GRIN2B: variants seen among roughly 807,000 people sequenced by gnomAD.
GRIN2B encodes glutamate receptor ionotropic, NMDA 2B.
Under a neutral mutation model 114.5 loss-of-function variants are expected in GRIN2B, and 5 were observed. The observed-to-expected ratio is 0.04, with a 90% CI of 0.02 to 0.09. GRIN2B has a LOEUF of 0.09. GRIN2B is among the 10% of genes least tolerant of loss of function. The pLI, the probability that GRIN2B is intolerant of heterozygous loss-of-function variation, is 1.00. For synonymous variants in GRIN2B, 787 were observed against 745.1 expected (o/e 1.06, Z -0.92); for missense variants, 1,108 against 1,943.5 (o/e 0.57, Z 8.08).
At chr12:13,888,688 C>T (rs1168633507) in intron 2 of GRIN2B, among the ~76,000 whole-genome samples, 2 of 150,960 alleles carry the variant, frequency 1.3e-5, no homozygotes, top group African/African-American at 4.9e-5. Context: ...GAGCCGAGAT[C>T]GCACCACTGC....
intron 3 of GRIN2B, among the ~76,000 whole-genome samples, chr12:13,858,941 ATCT>A (rs764505985): frequency 6.7e-4 from 102 of 152,288 alleles, no homozygotes; most frequent in Middle Eastern, 3.4e-3. Context: ...ACATCCCCAA[ATCT>A]TCTATTTCTG....
chr12:13,943,280 A>G (rs1288523880), intron 2 of GRIN2B, among the ~76,000 whole-genome samples: 4 of 152,170 alleles, frequency 2.6e-5, no homozygotes, highest in South Asian at 2.1e-4. Flanking sequence ...TTGCCCAGTT[A>G]CAAAACCTTA....
At chr12:13,885,782 G>C (rs1220166203) in intron 2 of GRIN2B, among the ~76,000 whole-genome samples, 1 of 152,234 alleles carries the variant, frequency 6.6e-6, no homozygotes, top group Non-Finnish European at 1.5e-5. Context: ...ATTAGACAAA[G>C]TATTCATGCA....
intron 5 of GRIN2B, among the ~76,000 whole-genome samples, chr12:13,659,595 AC>A (rs1478281349): frequency 1.3e-5 from 2 of 151,712 alleles, no homozygotes; most frequent in Non-Finnish European, 2.9e-5. Context: ...ATGTCTCTCT[AC>A]CCCCTTATTT....
At position 13,631,845 on chromosome 12, in the gene GRIN2B, T is replaced by A. The variant is rs533717740; in HGVS notation, c.1126-15188A>T. On this transcript the variant is annotated intron_variant, in intron 5 of 13. Coordinates refer to ENST00000609686, the MANE Select transcript of GRIN2B (RefSeq NM_000834.5). ...AGCTTGTGGCTAAAGAAACAGATGA[T>A]GAAAGAAGTGCTGAGGAGAAAACGC... Among the ~76,000 whole-genome samples, 4 of 152,272 alleles carry A rather than the reference T, an allele frequency of 2.6e-5. No homozygotes were observed. In the South Asian group the frequency reaches 8.3e-4, roughly 32 times the overall value.
At chr12:13,835,769 A>AT (rs1231645990) in intron 3 of GRIN2B, among the ~76,000 whole-genome samples, 77 of 116,240 alleles carry the variant, frequency 6.6e-4, no homozygotes, top group African/African-American at 2.5e-3. Flanking sequence ...AACATAGCAC[A>AT]TTAAAAAAAA....
chr12:13,698,827 C>T (rs113368507), intron 4 of GRIN2B, among the ~76,000 whole-genome samples: 7 of 152,142 alleles, frequency 4.6e-5, no homozygotes, highest in South Asian at 2.1e-4. Flanking sequence ...GGACTACAGG[C>T]GCGCACCACC....
At chr12:13,844,990 G>A (rs2136719883) in intron 3 of GRIN2B, among the ~76,000 whole-genome samples, 1 of 152,066 alleles carries the variant, frequency 6.6e-6, no homozygotes, top group South Asian at 2.1e-4. Flanking sequence ...AATTTCTGCT[G>A]TACACGAATT....
chr12:13,851,749 A>C (rs1023268595), intron 3 of GRIN2B, among the ~76,000 whole-genome samples: 14 of 152,198 alleles, frequency 9.2e-5, no homozygotes, highest in African/African-American at 3.4e-4. Context: ...CATTATGTCA[A>C]ACTGTTTTAT....
chr12:13,580,642 A>G lies in GRIN2B; in HGVS notation c.2011-8678T>C, dbSNP rs533844513. Among the ~76,000 whole-genome samples, 34 of 152,274 alleles carry G rather than the reference A, an allele frequency of 2.2e-4. 2 individuals are homozygous for G. In the Middle Eastern group the frequency reaches 0.01, roughly 46 times the overall value. ...CACATCAGAATTCTGAAGACACCAC[A>G]TTTTTACCTACTCAGCACCCTCCTG... On this transcript the variant is annotated intron_variant, in intron 10 of 13. Coordinates refer to ENST00000609686, the MANE Select transcript of GRIN2B (RefSeq NM_000834.5).
intron 10 of GRIN2B, among the ~76,000 whole-genome samples, chr12:13,589,253 T>C (rs1433000165): frequency 6.6e-6 from 1 of 152,218 alleles, no homozygotes; most frequent in Non-Finnish European, 1.5e-5. Flanking sequence ...AAAAGCCAGG[T>C]AGATGATACA....
At chr12:13,803,636 G>A (rs954092919) in intron 3 of GRIN2B, among the ~76,000 whole-genome samples, 25 of 152,188 alleles carry the variant, frequency 1.6e-4, no homozygotes, top group African/African-American at 5.1e-4. Flanking sequence ...GTAAACCAAC[G>A]TAAAAACTGT....
chr12:13,976,832 T>C (rs1863028967), intron 2 of GRIN2B, among the ~76,000 whole-genome samples: 5 of 152,174 alleles, frequency 3.3e-5, no homozygotes, highest in Admixed American at 3.3e-4. Context: ...ACTGGAAGAA[T>C]GTTTTACAAG....
intron 3 of GRIN2B, among the ~76,000 whole-genome samples, chr12:13,772,299 T>C (rs993847717): frequency 5.3e-5 from 8 of 152,198 alleles, no homozygotes; most frequent in Admixed American, 2.0e-4. Context: ...AAACAATCTC[T>C]TTCTTCCCAT....
intron 4 of GRIN2B, among the ~76,000 whole-genome samples, chr12:13,700,904 TA>T (rs1950305789): frequency 1.3e-5 from 2 of 152,232 alleles, no homozygotes; most frequent in Non-Finnish European, 2.9e-5. Flanking sequence ...TGGTGAGGTG[TA>T]TTAATCTGTT....
At chr12:13,708,012 G>GTTC (rs3831780) in intron 4 of GRIN2B, among the ~76,000 whole-genome samples, 92,855 of 151,476 alleles carry the variant, frequency 0.61, 28,693 homozygotes, top group African/African-American at 0.66. Context: ...TGTAGAGTTT[G>GTTC]TTCAAGGAAC....
chr12:13,725,806 G>A (rs1862974585), intron 4 of GRIN2B, among the ~76,000 whole-genome samples: 1 of 152,258 alleles, frequency 6.6e-6, no homozygotes, highest in South Asian at 2.1e-4. Flanking sequence ...AAGTTCTGAT[G>A]CTGCCAGAAT....
chr12:13,931,289 T>G (rs1867026195), intron 2 of GRIN2B, among the ~76,000 whole-genome samples: 1 of 152,200 alleles, frequency 6.6e-6, no homozygotes, highest in Non-Finnish European at 1.5e-5. Flanking sequence ...TATCACCAAA[T>G]GCAATGGTCA....
chr12:13,822,863 C>T (rs1192027162), intron 3 of GRIN2B, among the ~76,000 whole-genome samples: 1 of 152,048 alleles, frequency 6.6e-6, no homozygotes, highest in East Asian at 1.9e-4. Context: ...GTTGTAATTC[C>T]TTAAAGATAC....
Sources: allele counts gnomAD v4.1 joint callset (sites outside exome capture counted in the v4.1 genomes callset), GRCh38; gene constraint gnomAD v4.1.1; transcripts MANE v1.5; gene names NCBI Gene and HGNC (gene_info 2026-07-23, HGNC 2026-07-21).